Variants in TENT5A observed in about 807,000 individuals in gnomAD.
TENT5A encodes HBV X-transactivated gene 11 protein.
In TENT5A, 9 loss-of-function variants were observed where a neutral mutation model predicts 30.2. That is an observed-to-expected ratio of 0.30 (90% CI 0.18 to 0.52). The LOEUF (loss-of-function observed/expected upper bound fraction) is 0.52, where lower values mean the gene tolerates loss of function less well. TENT5A is among the 20% of genes least tolerant of loss of function. The pLI, the probability that TENT5A is intolerant of heterozygous loss-of-function variation, is 0.97. For synonymous variants in TENT5A, 264 were observed against 234.2 expected, an observed-to-expected ratio of 1.13 and a Z score of -1.16; for missense variants, 411 against 566.1, an observed-to-expected ratio of 0.73 and a Z score of 2.78.
Position 81,749,230 on chromosome 6 carries a change from A to C in TENT5A, c.*465T>G. On this transcript the variant is annotated 3_prime_UTR_variant, in exon 3 of 3. Coordinates refer to ENST00000320172, the MANE Select transcript of TENT5A (RefSeq NM_017633.3). ...GAGTTCCCCTTTTTCCTGTATTGTTACTATTAATATCTGAACTCCTAAACT... is the reference window on the plus strand; with the variant it reads ...GAGTTCCCCTTTTTCCTGTATTGTTCCTATTAATATCTGAACTCCTAAACT... 1.0e-6 allele frequency: 1 copy of C among 986,946 alleles called. No homozygotes were observed. The highest frequency in any genetic ancestry group is 1.2e-6 in the Non-Finnish European group (1 of 830,774). The allele number at this position is 986,946 out of a possible 1,614,324, so 61.1% of individuals were successfully genotyped here.
rs997064950 is a variant in TENT5A at position 81,745,956 on chromosome 6, T to C, written c.*3739A>G. The C allele has an allele frequency of 3.0e-6, 3 of 985,800 alleles. No individual in the cohort carries two copies. The highest frequency in any genetic ancestry group is 1.1e-4 in the East Asian group (1 of 8,802). The allele number at this position is 985,800 out of a possible 1,614,324, so 61.1% of individuals were successfully genotyped here. ...ACAGAACACCTCAAAGCAGGCATGATTGTAGAGAGGTTGGAGGGAGAGACA... is the reference window on the plus strand; with the variant it reads ...ACAGAACACCTCAAAGCAGGCATGACTGTAGAGAGGTTGGAGGGAGAGACA... On this transcript the variant is annotated 3_prime_UTR_variant, in exon 3 of 3. Coordinates refer to ENST00000320172, the MANE Select transcript of TENT5A (RefSeq NM_017633.3).
chr6:81,748,120 C>T lies in TENT5A; in HGVS notation c.*1575G>A. The T allele has an allele frequency of 5.1e-6, 5 of 985,048 alleles. No homozygotes were observed. Among genetic ancestry groups the T allele is most frequent in the Non-Finnish European group, 4.8e-6 (4 of 829,636 alleles). The allele number at this position is 985,048 out of a possible 1,614,324, so 61.0% of individuals were successfully genotyped here. ...AAGGGTCATTTCACATTACTAAATT[C>T]TAGTGGTCCAGAAATGCAGAATGCA... On this transcript the variant is annotated 3_prime_UTR_variant, in exon 3 of 3. Transcript: ENST00000320172.
chr6:81,750,081 G>C lies in TENT5A; in HGVS notation c.943C>G (p.Gln315Glu). 6.2e-7 allele frequency: 1 copy of C among 1,614,166 alleles called. No individual in the cohort carries two copies. The highest frequency in any genetic ancestry group is 1.1e-5 in the South Asian group (1 of 91,078). The change falls in exon 3 of 3, where the codon CAA (glutamine) becomes GAA (glutamate). Residue 315 changes from glutamine (Q) to glutamate (E), a missense_variant. Physicochemically the swap from Gln to Glu is conservative, Grantham distance 29. Around this residue, in one of 5 missense-constraint regions of TENT5A, gnomAD observed 135 missense variants for 240.0 expected, o/e 0.56. Transcript: ENST00000320172. The surrounding 1 kb of genome is among the most constrained non-coding windows in gnomAD (Gnocchi z 4.2). ...AAAAACCTGGAACACATATACCTTT[G>C]AAGGGTCTTGATTTCATCAGAGGCG... ...RPASDEIKTL[Q>E]RYMCSRFFID...
chr6:81,745,973 GGA>G lies in TENT5A; in HGVS notation c.*3720_*3721del, dbSNP rs1281690650. ...AGGCATGATTGTAGAGAGGTTGGAG[GGA>G]GAGACAGCCAGCAGGCAGAGCCTCC... is the stretch of plus-strand genomic sequence containing the variant. On this transcript the variant is annotated 3_prime_UTR_variant, in exon 3 of 3. Coordinates refer to ENST00000320172, the MANE Select transcript of TENT5A (RefSeq NM_017633.3). 3 of 985,736 alleles carry G rather than the reference GGA, an allele frequency of 3.0e-6. No individual in the cohort carries two copies. Among genetic ancestry groups the G allele is most frequent in the Admixed American group, 1.2e-4 (2 of 16,260 alleles). 61.1% of individuals were successfully genotyped at this position (985,736 alleles called of 1,614,324 possible).
rs1581989007 is a variant in TENT5A at position 81,748,558 on chromosome 6, G to A, written c.*1137C>T. 6 of 981,308 alleles carry A rather than the reference G, an allele frequency of 6.1e-6. No individual in the cohort carries two copies. Among genetic ancestry groups the A allele is most frequent in the East Asian group, 2.3e-4 (2 of 8,794 alleles). The allele number at this position is 981,308 out of a possible 1,614,324, so 60.8% of individuals were successfully genotyped here. A position where few individuals can be genotyped will look rare whatever the true frequency, so the allele number is the denominator to read the frequency against. On this transcript the variant is annotated 3_prime_UTR_variant, in exon 3 of 3. Coordinates refer to ENST00000320172, the MANE Select transcript of TENT5A (RefSeq NM_017633.3). ...CCTGTTGAAAACATAAAAACACACA[G>A]TATTTAAACATTTCCTATTTGAGAC...
Position 81,747,045 on chromosome 6 carries a change from AAATC to A in TENT5A, c.*2646_*2649del. The A allele has an allele frequency of 3.0e-6, 3 of 983,788 alleles. No individual in the cohort carries two copies. Among genetic ancestry groups the A allele is most frequent in the Non-Finnish European group, 2.4e-6 (2 of 828,404 alleles). 60.9% of individuals were successfully genotyped at this position (983,788 alleles called of 1,614,324 possible). ...AAAGAATATAAATATTTAAGAAAATAAATCAAAGTGTATTTCAAATAAGGCTCTT... is the reference window on the plus strand; with the variant it reads ...AAAGAATATAAATATTTAAGAAAATAAAAGTGTATTTCAAATAAGGCTCTT... On this transcript the variant is annotated 3_prime_UTR_variant, in exon 3 of 3. Transcript: ENST00000320172.
Position 81,748,075 on chromosome 6 carries a change from T to C in TENT5A, c.*1620A>G. ...TATCTCATATATAAATTTTAAGCAA[T>C]TGTGCAAATATTCTGTAAAAAGGGT... On this transcript the variant is annotated 3_prime_UTR_variant, in exon 3 of 3. Transcript: ENST00000320172. 5.1e-6 allele frequency: 5 copies of C among 980,622 alleles called. No individual in the cohort carries two copies. The highest frequency in any genetic ancestry group is 6.1e-6 in the Non-Finnish European group (5 of 825,660). The allele number at this position is 980,622 out of a possible 1,614,324, so 60.7% of individuals were successfully genotyped here.
rs1372243598 is a variant in TENT5A at position 81,747,027 on chromosome 6, A to G, written c.*2668T>C. 3.1e-5 allele frequency: 31 copies of G among 984,538 alleles called. No homozygotes were observed. Among genetic ancestry groups the G allele is most frequent in the Non-Finnish European group, 3.6e-5 (30 of 829,100 alleles). 61.0% of individuals were successfully genotyped at this position (984,538 alleles called of 1,614,324 possible). A position where few individuals can be genotyped will look rare whatever the true frequency, so the allele number is the denominator to read the frequency against. ...ACCCTGAAGTAAGCAAGAAAAGAAT[A>G]TAAATATTTAAGAAAATAAATCAAA... On this transcript the variant is annotated 3_prime_UTR_variant, in exon 3 of 3. Transcript: ENST00000320172.
In TENT5A at chr6:81,746,553, T is replaced by C. The variant is rs558323907; in HGVS notation, c.*3142A>G. 7.6e-4 allele frequency: 938 copies of C among 1,231,994 alleles called. 1 individual carries two copies. The highest frequency in any genetic ancestry group is 8.2e-4 in the Non-Finnish European group (815 of 987,924). The allele number at this position is 1,231,994 out of a possible 1,614,324, so 76.3% of individuals were successfully genotyped here. A position where few individuals can be genotyped will look rare whatever the true frequency, so the allele number is the denominator to read the frequency against. The stretch of plus-strand genomic sequence containing the variant: ...GGAAATGTCCATCTTGGTGTAGGAG[T>C]TCTTGAGGCAGCTGGATTTACTGCA... On this transcript the variant is annotated 3_prime_UTR_variant, in exon 3 of 3. Transcript: ENST00000320172.
rs1302347260 is a variant in TENT5A, at chr6:81,749,565, AGG to A, written c.*128_*129del. 1 of 1,422,394 alleles carries A rather than the reference AGG, an allele frequency of 7.0e-7. No individual in the cohort carries two copies. Among genetic ancestry groups the A allele is most frequent in the African/African-American group, 1.4e-5 (1 of 69,306 alleles). The allele number at this position is 1,422,394 out of a possible 1,614,324, so 88.1% of individuals were successfully genotyped here. A position where few individuals can be genotyped will look rare whatever the true frequency, so the allele number is the denominator to read the frequency against. On this transcript the variant is annotated 3_prime_UTR_variant, in exon 3 of 3. Transcript: ENST00000320172. The stretch of plus-strand genomic sequence containing the variant: ...CATAAGCTTTGCCAAACTTAAAACC[AGG>A]AGCATATCATCATTGCACAAAACAC...
rs1768879364 is a variant in TENT5A at position 81,746,069 on chromosome 6, G to T, written c.*3626C>A. ...CTTCCAACTTTGTACTTTACCATTTGCTTTGTTAGAAAGCCATTATTTTAA... is the reference window on the plus strand; with the variant it reads ...CTTCCAACTTTGTACTTTACCATTTTCTTTGTTAGAAAGCCATTATTTTAA... On this transcript the variant is annotated 3_prime_UTR_variant, in exon 3 of 3. Coordinates refer to ENST00000320172, the MANE Select transcript of TENT5A (RefSeq NM_017633.3). 2.0e-6 allele frequency: 2 copies of T among 985,404 alleles called. No individual in the cohort carries two copies. Among genetic ancestry groups the T allele is most frequent in the Admixed American group, 1.2e-4 (2 of 16,276 alleles). 61.0% of individuals were successfully genotyped at this position (985,404 alleles called of 1,614,324 possible). A position where few individuals can be genotyped will look rare whatever the true frequency, so the allele number is the denominator to read the frequency against.
In TENT5A at chr6:81,746,716, A is replaced by C; in HGVS notation, c.*2979T>G. The C allele has an allele frequency of 8.2e-7, 1 of 1,226,340 alleles. No homozygotes were observed. The highest frequency in any genetic ancestry group is 4.3e-5 in the South Asian group (1 of 23,482). The allele number at this position is 1,226,340 out of a possible 1,614,324, so 76.0% of individuals were successfully genotyped here. ...AAACAGCACACTAGGCCAGATAAAC[A>C]CAAAAGGAAACAAATCACAGGCGCT... On this transcript the variant is annotated 3_prime_UTR_variant, in exon 3 of 3. Coordinates refer to ENST00000320172, the MANE Select transcript of TENT5A (RefSeq NM_017633.3).
rs1768880311 is a variant in TENT5A at position 81,746,115 on chromosome 6, C to A, written c.*3580G>T. 1 of 979,750 alleles carries A rather than the reference C, an allele frequency of 1.0e-6. No individual in the cohort carries two copies. The highest frequency in any genetic ancestry group is 1.2e-6 in the Non-Finnish European group (1 of 823,852). 60.7% of individuals were successfully genotyped at this position (979,750 alleles called of 1,614,324 possible). A position where few individuals can be genotyped will look rare whatever the true frequency, so the allele number is the denominator to read the frequency against. ...TTTAACAAAATATAACATAGAGATT[C>A]TTTCTTAGCACTGAAAATGCTATGC... is the stretch of plus-strand genomic sequence containing the variant. On this transcript the variant is annotated 3_prime_UTR_variant, in exon 3 of 3. Coordinates refer to ENST00000320172, the MANE Select transcript of TENT5A (RefSeq NM_017633.3).
chr6:81,751,497 A>C (rs1352591868), intron 2 of TENT5A, 93 bp downstream of exon 2: 16 of 1,194,118 alleles, frequency 1.3e-5, no homozygotes, highest in Non-Finnish European at 1.9e-5. Context: ...ATGGCCACAG[A>C]TTCATGGCAT....
chr6:81,751,845 C>T lies in TENT5A; in HGVS notation c.297G>A (p.Leu99=), dbSNP rs749246388. The change falls in exon 2 of 3, where the codon CTG becomes CTA. Residue 99 remains leucine (L), a synonymous_variant. Coordinates refer to ENST00000320172, the MANE Select transcript of TENT5A (RefSeq NM_017633.3). ...NFPTLELQPS[L]IVKVVRRRLA... The stretch of plus-strand genomic sequence containing the variant: ...GGCGCCGCCGCACCACCTTCACGAT[C>T]AGGCTCGGCTGCAGCTCGAGCGTGG... The T allele has an allele frequency of 1.2e-6, 2 of 1,613,010 alleles. No homozygotes were observed. Among genetic ancestry groups the T allele is most frequent in the East Asian group, 2.2e-5 (1 of 44,876 alleles).
In TENT5A at chr6:81,747,635, C is replaced by A; in HGVS notation, c.*2060G>T. 7.1e-6 allele frequency: 7 copies of A among 985,726 alleles called. No homozygotes were observed. The highest frequency in any genetic ancestry group is 8.4e-6 in the Non-Finnish European group (7 of 829,892). The allele number at this position is 985,726 out of a possible 1,614,324, so 61.1% of individuals were successfully genotyped here. ...GGAGGATATTTTTTTCTCCCGTGGT[C>A]TCTCTTTAACTGATGATGAAAATCT... is the stretch of plus-strand genomic sequence containing the variant. On this transcript the variant is annotated 3_prime_UTR_variant, in exon 3 of 3. Transcript: ENST00000320172.
Position 81,746,852 on chromosome 6 carries a change from G to A in TENT5A, c.*2843C>T. The A allele has an allele frequency of 1.8e-6, 2 of 1,128,170 alleles. No individual in the cohort carries two copies. Among genetic ancestry groups the A allele is most frequent in the Non-Finnish European group, 2.2e-6 (2 of 922,834 alleles). The allele number at this position is 1,128,170 out of a possible 1,614,324, so 69.9% of individuals were successfully genotyped here. ...CACAAAGAGAGACATATATTTCACT[G>A]TGTGTTCAACTACATATGCACAAGA... On this transcript the variant is annotated 3_prime_UTR_variant, in exon 3 of 3. Transcript: ENST00000320172.
intron 1 of TENT5A, 74 bp from the exon 2 acceptor site, chr6:81,752,252 G>A (rs1769062341): frequency 6.8e-7 from 1 of 1,477,676 alleles, no homozygotes; most frequent in African/African-American, 1.4e-5. Context: ...GAGAGCAGAG[G>A]CCCGCCAGGA....
In TENT5A at chr6:81,747,677, AG is replaced by A. The variant is rs1257337809; in HGVS notation, c.*2017del. 2.0e-6 allele frequency: 2 copies of A among 985,658 alleles called. No individual in the cohort carries two copies. Among genetic ancestry groups the A allele is most frequent in the Non-Finnish European group, 2.4e-6 (2 of 829,864 alleles). 61.1% of individuals were successfully genotyped at this position (985,658 alleles called of 1,614,324 possible). A position where few individuals can be genotyped will look rare whatever the true frequency, so the allele number is the denominator to read the frequency against. On this transcript the variant is annotated 3_prime_UTR_variant, in exon 3 of 3. Coordinates refer to ENST00000320172, the MANE Select transcript of TENT5A (RefSeq NM_017633.3). ...TGAAAATCTTCTAATTGGGTCTTCGAGGAATTATCATAGCAAGCAGTCATCC... is the reference window on the plus strand; with the variant it reads ...TGAAAATCTTCTAATTGGGTCTTCGAGAATTATCATAGCAAGCAGTCATCC...
Sources: allele counts gnomAD v4.1 joint callset, GRCh38; gene constraint gnomAD v4.1.1; regional missense constraint gnomAD v4.1.1; non-coding constraint Gnocchi (gnomAD v3.1); transcripts MANE v1.5; gene names NCBI Gene and HGNC (gene_info 2026-07-23, HGNC 2026-07-21).